Variants in KPNA1 observed in about 807,000 individuals in gnomAD.
KPNA1 encodes the protein karyopherin subunit alpha 1, also known as importin subunit alpha-5.
A neutral mutation model predicts 70.5 loss-of-function variants in KPNA1; 10 were observed. The observed-to-expected ratio is 0.14, with a 90% CI of 0.09 to 0.24. KPNA1 has a LOEUF of 0.24. Ranked by LOEUF, KPNA1 falls within the 10% of genes least tolerant of loss-of-function variation. The probability of loss-of-function intolerance (pLI) is 1.00; values close to 1 mark genes in which losing one functional copy is unlikely to be tolerated. For missense variants in KPNA1, 397 were observed against 637.9 expected (o/e 0.62, Z 4.07); for synonymous variants, 192 against 221.9 (o/e 0.87, Z 1.20).
intron 6 of KPNA1, among the ~76,000 whole-genome samples, chr3:122,452,606 G>T (rs1171557550): frequency 9.9e-6 from 1 of 100,508 alleles, no homozygotes; most frequent in African/African-American, 3.9e-5. Context: ...AGGAAGGAAG[G>T]AAGGGAGGGA....
At chr3:122,446,898 A>G (rs2076146202) in intron 9 of KPNA1, among the ~76,000 whole-genome samples, 1 of 152,210 alleles carries the variant, frequency 6.6e-6, no homozygotes, top group Admixed American at 6.5e-5. Flanking sequence ...ACACCTCTAC[A>G]CAAATAAACT....
chr3:122,427,691 T>C lies in KPNA1; in HGVS notation c.1276A>G (p.Lys426Glu). The change falls in exon 13 of 14, where the codon AAG (lysine) becomes GAG (glutamate). Residue 426 changes from lysine (K) to glutamate (E), a missense_variant. By Grantham distance (56) the Lys-to-Glu change is moderately conservative (BLOSUM62 1). Coordinates refer to ENST00000344337, the MANE Select transcript of KPNA1 (RefSeq NM_002264.4). ...ACCGTGAGGAGATCACAGAGCGGCTTGATACAACCCAGTTCTACTAGGTAC... is the reference window on the plus strand; with the variant it reads ...ACCGTGAGGAGATCACAGAGCGGCTCGATACAACCCAGTTCTACTAGGTAC... The part of the protein sequence containing the change: ...IKYLVELGCI[K>E]PLCDLLTVMD... 1 of 1,610,038 alleles carries C rather than the reference T, an allele frequency of 6.2e-7. No homozygotes were observed.
chr3:122,474,793 G>A (rs2076479659), intron 2 of KPNA1, among the ~76,000 whole-genome samples: 1 of 152,038 alleles, frequency 6.6e-6, no homozygotes, highest in African/African-American at 2.4e-5. Context: ...GAAAAAGCAT[G>A]AGACAAATTT....
intron 1 of KPNA1, among the ~76,000 whole-genome samples, chr3:122,505,901 GCTC>G (rs1197074539): frequency 6.6e-6 from 1 of 152,088 alleles, no homozygotes; most frequent in Admixed American, 6.5e-5. Flanking sequence ...CAGACTCTTT[GCTC>G]CTCAATTCAT....
At position 122,424,260 on chromosome 3, in the gene KPNA1, T is replaced by TA. The variant is rs1321353137; in HGVS notation, c.*2724dup. ...CTGTATTGAAATTAACATGCTTTTG[T>TA]AATGAGCAACGCCTTAGTGGTAGGG... is the stretch of plus-strand genomic sequence containing the variant. On this transcript the variant is annotated 3_prime_UTR_variant, in exon 14 of 14. Coordinates refer to ENST00000344337, the MANE Select transcript of KPNA1 (RefSeq NM_002264.4). The TA allele has an allele frequency of 6.6e-6, 1 of 152,218 alleles. No homozygotes were observed. Among genetic ancestry groups the TA allele is most frequent in the African/African-American group, 2.4e-5 (1 of 41,456 alleles). The allele number at this position is 152,218 out of a possible 1,614,324, so 9.4% of individuals were successfully genotyped here.
chr3:122,467,323 G>A lies in KPNA1; in HGVS notation c.236C>T (p.Pro79Leu), dbSNP rs749610817. 1 of 1,474,856 alleles carries A rather than the reference G, an allele frequency of 6.8e-7. No homozygotes were observed. Among genetic ancestry groups the A allele is most frequent in the Non-Finnish European group, 9.4e-7 (1 of 1,058,268 alleles). The allele number at this position is 1,474,856 out of a possible 1,614,324, so 91.4% of individuals were successfully genotyped here. ...ACTGAAAAGAGTTCATTATCTTACT[G>A]GTGCCATCTCCATGTTACTAATCTG... is the stretch of plus-strand genomic sequence containing the variant. ...EAQISNMEMAPGGVITSDMIE... is the reference protein window; with the variant it reads ...EAQISNMEMALGGVITSDMIE... The change falls in exon 3 of 14, where the codon CCA (proline) becomes CTA (leucine). Residue 79 changes from proline to leucine, a missense_variant and splice_region_variant. Pro to Leu is a moderately conservative substitution (Grantham distance 98). Transcript: ENST00000344337.
At chr3:122,494,343 T>G (rs184115323) in intron 2 of KPNA1, among the ~76,000 whole-genome samples, 3 of 152,320 alleles carry the variant, frequency 2.0e-5, no homozygotes, top group African/African-American at 4.8e-5. Flanking sequence ...TTCATTCTTT[T>G]GCACACAGCT....
intron 1 of KPNA1, among the ~76,000 whole-genome samples, chr3:122,499,451 C>CT (rs200134174): frequency 0.094 from 13,911 of 148,138 alleles, 776 homozygotes; most frequent in South Asian, 0.15. Context: ...ATTTTTTTTT[C>CT]TTTTTTTTTA....
chr3:122,478,157 T>A (rs2076524713), intron 2 of KPNA1, among the ~76,000 whole-genome samples: 1 of 90,544 alleles, frequency 1.1e-5, no homozygotes, highest in African/African-American at 4.0e-5. Flanking sequence ...CGAGATGCTG[T>A]CTCAAAAAAA....
chr3:122,461,248 T>C lies in KPNA1; in HGVS notation c.408A>G (p.Lys136=). The C allele has an allele frequency of 6.2e-7, 1 of 1,612,872 alleles. No individual in the cohort carries two copies. Among genetic ancestry groups the C allele is most frequent in the Non-Finnish European group, 8.5e-7 (1 of 1,179,036 alleles). Residue 136 remains lysine, a synonymous_variant, in exon 5 of 14, where the codon AAA becomes AAG. Transcript: ENST00000344337. The part of the protein sequence containing the change: ...GVVARFVEFL[K]RKENCTLQFE... ...CCTGCAGTGTACAATTCTCTTTTCG[T>C]TTGAGGAACTCCACAAACCTGGCCA... is the stretch of plus-strand genomic sequence containing the variant.
intron 1 of KPNA1, among the ~76,000 whole-genome samples, chr3:122,498,401 G>C (rs923360347): frequency 1.3e-5 from 2 of 152,206 alleles, no homozygotes; most frequent in African/African-American, 4.8e-5. Flanking sequence ...GCTCTCACCA[G>C]ACACTGAATC....
At chr3:122,440,989 A>T (rs879349640) in intron 10 of KPNA1, among the ~76,000 whole-genome samples, 2 of 152,222 alleles carry the variant, frequency 1.3e-5, no homozygotes, top group Admixed American at 1.3e-4. Context: ...AGAGATTAGA[A>T]AAGGCATTAA....
rs1474784128 is a variant in KPNA1, at chr3:122,424,714, A to AT, written c.*2270dup. Reference sequence around the variant, plus strand: ...GTATCTTTCCCACTCAAATTGGCTTATAAAATGAAATTATTTTAACTATCC... The same window carrying AT: ...GTATCTTTCCCACTCAAATTGGCTTATTAAAATGAAATTATTTTAACTATCC... On this transcript the variant is annotated 3_prime_UTR_variant, in exon 14 of 14. Coordinates refer to ENST00000344337, the MANE Select transcript of KPNA1 (RefSeq NM_002264.4). 10 of 152,662 alleles carry AT rather than the reference A, an allele frequency of 6.6e-5. No individual in the cohort carries two copies. The highest frequency in any genetic ancestry group is 2.4e-4 in the African/African-American group (10 of 41,466). 9.5% of individuals were successfully genotyped at this position (152,662 alleles called of 1,614,324 possible).
intron 1 of KPNA1, among the ~76,000 whole-genome samples, chr3:122,509,288 CAT>C (rs924257913): frequency 2.6e-4 from 39 of 151,082 alleles, no homozygotes; most frequent in Non-Finnish European, 4.1e-4. Context: ...TAAAGGCAAA[CAT>C]GTGAGCAAAA....
chr3:122,480,077 A>G (rs2076553079), intron 2 of KPNA1, among the ~76,000 whole-genome samples: 1 of 152,216 alleles, frequency 6.6e-6, no homozygotes, highest in Admixed American at 6.5e-5. Context: ...AGGCATACAC[A>G]TTGTATGATT....
At chr3:122,454,298 A>G (rs779773261) in intron 5 of KPNA1, among the ~76,000 whole-genome samples, 1 of 152,226 alleles carries the variant, frequency 6.6e-6, no homozygotes, top group Non-Finnish European at 1.5e-5. Flanking sequence ...ATATAAATGA[A>G]AACAAAATGC....
chr3:122,484,551 C>G (rs1199734528), intron 2 of KPNA1, among the ~76,000 whole-genome samples: 1 of 151,550 alleles, frequency 6.6e-6, no homozygotes, highest in African/African-American at 2.4e-5. Context: ...GAGGCTGAAG[C>G]AGAATTGTTT....
intron 1 of KPNA1, among the ~76,000 whole-genome samples, chr3:122,510,974 A>G (rs1246696322): frequency 6.6e-6 from 1 of 152,216 alleles, no homozygotes; most frequent in Non-Finnish European, 1.5e-5. Flanking sequence ...CTGAACGGCT[A>G]AAACCAATCT....
chr3:122,429,438 C>T (rs1437925432), intron 12 of KPNA1, among the ~76,000 whole-genome samples: 1 of 102,656 alleles, frequency 9.7e-6, no homozygotes, highest in African/African-American at 3.9e-5. Context: ...AAGAGCGAAA[C>T]TCTGTCTCAA....
Sources: allele counts gnomAD v4.1 joint callset (sites outside exome capture counted in the v4.1 genomes callset), GRCh38; gene constraint gnomAD v4.1.1; transcripts MANE v1.5; gene names NCBI Gene and HGNC (gene_info 2026-07-23, HGNC 2026-07-21).